The following CNTNAP5 variants were observed in gnomAD, a reference collection of about 807,000 sequenced individuals.
CNTNAP5 encodes contactin associated protein family member 5, also known as contactin-associated protein-like 5.
In CNTNAP5, 72 loss-of-function variants were observed where a neutral mutation model predicts 150.2. That is an observed-to-expected ratio of 0.48 (90% CI 0.40 to 0.58). The LOEUF is 0.58. Ranked by LOEUF, CNTNAP5 falls within the 20% of genes least tolerant of loss-of-function variation. The pLI, the probability that CNTNAP5 is intolerant of heterozygous loss-of-function variation, is 0.00. For missense variants in CNTNAP5, 1,636 were observed against 1,626.2 expected (o/e 1.01, Z -0.10); for synonymous variants, 672 against 619.8 (o/e 1.08, Z -1.25).
chr2:124,886,463 T>TTA (rs1402456670), intron 21 of CNTNAP5, among the ~76,000 whole-genome samples: 1 of 152,018 alleles, frequency 6.6e-6, no homozygotes, highest in Non-Finnish European at 1.5e-5. Context: ...GTTTTGAACA[T>TTA]TATATGATTT....
intron 3 of CNTNAP5, among the ~76,000 whole-genome samples, chr2:124,315,291 G>C (rs923298354): frequency 3.9e-5 from 6 of 152,252 alleles, no homozygotes; most frequent in Admixed American, 3.9e-4. Context: ...TGGTCAGTCA[G>C]TTTTGGATAC....
intron 13 of CNTNAP5, among the ~76,000 whole-genome samples, chr2:124,674,520 T>TTTCTTTCC (rs1415478007): frequency 3.9e-4 from 52 of 132,728 alleles, no homozygotes; most frequent in African/African-American, 1.4e-3. Flanking sequence ...TCTTTCTTTC[T>TTTCTTTCC]TTCTTTCTTT....
intron 21 of CNTNAP5, among the ~76,000 whole-genome samples, chr2:124,886,901 AC>A (rs1678093018): frequency 6.6e-6 from 1 of 151,974 alleles, no homozygotes; most frequent in Non-Finnish European, 1.5e-5. Flanking sequence ...GGCTGCAAAC[AC>A]ATACCCAGCC....
At chr2:124,265,782 T>C (rs1380296512) in intron 3 of CNTNAP5, among the ~76,000 whole-genome samples, 2 of 151,984 alleles carry the variant, frequency 1.3e-5, no homozygotes, top group African/African-American at 4.8e-5. Flanking sequence ...GCAGCTCTGG[T>C]TGGACTACAC....
chr2:124,193,040 C>T (rs1462961442), intron 1 of CNTNAP5, among the ~76,000 whole-genome samples: 1 of 152,100 alleles, frequency 6.6e-6, no homozygotes, highest in African/African-American at 2.4e-5. Context: ...GAAGCCAATC[C>T]AATTTCTGGC....
chr2:124,721,459 G>T (rs1199011155), intron 13 of CNTNAP5, among the ~76,000 whole-genome samples: 1 of 149,616 alleles, frequency 6.7e-6, no homozygotes, highest in Non-Finnish European at 1.5e-5. Context: ...TCCAGCCTGG[G>T]TGACAGAGTG....
intron 10 of CNTNAP5, among the ~76,000 whole-genome samples, chr2:124,533,278 TGAGA>T (rs1695152581): frequency 6.6e-6 from 1 of 150,862 alleles, no homozygotes; most frequent in Non-Finnish European, 1.5e-5. Context: ...TGCAGAAACC[TGAGA>T]GTGAGGGTCT....
rs984353619 is a variant in CNTNAP5 at position 124,914,163 on chromosome 2, A to C, written c.3799A>C (p.Lys1267Gln). ...CATGACCCGGTTCCTCTACCAGCAC[A>C]AGCAGTCACATCGTACGAGCCAGAT... ...GIMTRFLYQH[K>Q]QSHRTSQMKE... The change falls in exon 24 of 24, where the codon AAG becomes CAG. Residue 1267 changes from lysine to glutamine, a missense_variant. Lys to Gln is a moderately conservative substitution (Grantham distance 53). Transcript: ENST00000682447. 3.1e-6 allele frequency: 5 copies of C among 1,612,488 alleles called. No individual in the cohort carries two copies. Among genetic ancestry groups the C allele is most frequent in the Non-Finnish European group, 3.4e-6 (4 of 1,179,036 alleles).
intron 3 of CNTNAP5, among the ~76,000 whole-genome samples, chr2:124,283,904 T>C (rs1021865161): frequency 2.1e-4 from 32 of 152,164 alleles, no homozygotes; most frequent in African/African-American, 7.5e-4. Flanking sequence ...ACATTCCAAA[T>C]TGTGCACCTC....
chr2:124,455,865 C>A (rs1304291242), intron 6 of CNTNAP5, among the ~76,000 whole-genome samples: 1 of 152,132 alleles, frequency 6.6e-6, no homozygotes, highest in Admixed American at 6.5e-5. Flanking sequence ...AATGCAGGAT[C>A]CCTTTATGAT....
chr2:124,134,787 A>G (rs1455651152), intron 1 of CNTNAP5, among the ~76,000 whole-genome samples: 1 of 152,126 alleles, frequency 6.6e-6, no homozygotes, highest in Non-Finnish European at 1.5e-5. Context: ...TGACCTGTCC[A>G]TTCCCCAAGA....
intron 13 of CNTNAP5, among the ~76,000 whole-genome samples, chr2:124,727,350 C>CT (rs1448824455): frequency 1.3e-5 from 2 of 151,716 alleles, no homozygotes; most frequent in South Asian, 2.1e-4. Context: ...TCATTTTTTC[C>CT]TTTTTTGTGT....
chr2:124,283,989 T>A (rs1417283872), intron 3 of CNTNAP5, among the ~76,000 whole-genome samples: 1 of 152,178 alleles, frequency 6.6e-6, no homozygotes, highest in Non-Finnish European at 1.5e-5. Context: ...ATTGAGACCA[T>A]AGCAGGGGCT....
intron 19 of CNTNAP5, among the ~76,000 whole-genome samples, chr2:124,819,151 C>T (rs1682432276): frequency 6.6e-6 from 1 of 152,048 alleles, no homozygotes; most frequent in South Asian, 2.1e-4. Context: ...TCTTCATCAG[C>T]TTGTTATCTG....
At chr2:124,598,404 T>C (rs1696883719) in intron 11 of CNTNAP5, among the ~76,000 whole-genome samples, 1 of 125,590 alleles carries the variant, frequency 8.0e-6, no homozygotes, top group South Asian at 3.2e-4. Flanking sequence ...TACCCTGCCG[T>C]GTGAGGTGTC....
At chr2:124,350,401 A>G (rs1689847920) in intron 3 of CNTNAP5, among the ~76,000 whole-genome samples, 1 of 151,378 alleles carries the variant, frequency 6.6e-6, no homozygotes, top group Admixed American at 6.6e-5. Context: ...ATTTAAATAC[A>G]TATGTATATA....
At position 124,054,864 on chromosome 2, in the gene CNTNAP5, T is replaced by A. The variant is rs186395548; in HGVS notation, c.82+29132T>A. Among the ~76,000 whole-genome samples, 296 of 152,300 alleles carry A rather than the reference T, an allele frequency of 1.9e-3. 1 individual carries two copies. The highest frequency in any genetic ancestry group is 6.7e-3 in the African/African-American group (279 of 41,556). On this transcript the variant is annotated intron_variant, in intron 1 of 23. Coordinates refer to ENST00000682447, the MANE Select transcript of CNTNAP5 (RefSeq NM_001367498.1). ...TAGAACTTTTTTGATTTTCAAAAAT[T>A]ATTCCAGCTAGCAGGGCAAAAAGAG...
In CNTNAP5 at chr2:124,171,541, C is replaced by T. The variant is rs116197925; in HGVS notation, c.83-50164C>T. Among the ~76,000 whole-genome samples the T allele has an allele frequency of 3.6e-3, 554 of 152,268 alleles. 4 individuals are homozygous for T. Among genetic ancestry groups the T allele is most frequent in the African/African-American group, 0.013 (527 of 41,558 alleles). On this transcript the variant is annotated intron_variant, in intron 1 of 23. Transcript: ENST00000682447. ...CACCAGAGTCCTTGGGGTCATCCTG[C>T]GAGCTGAAGTCCTTGGCGGCCACAT...
intron 1 of CNTNAP5, among the ~76,000 whole-genome samples, chr2:124,101,945 C>T (rs994242802): frequency 7.2e-5 from 11 of 152,144 alleles, no homozygotes; most frequent in Non-Finnish European, 1.6e-4. Flanking sequence ...CCGCCTGGTG[C>T]CTGACTTGCC....
Sources: allele counts gnomAD v4.1 joint callset (sites outside exome capture counted in the v4.1 genomes callset), GRCh38; gene constraint gnomAD v4.1.1; transcripts MANE v1.5; gene names NCBI Gene and HGNC (gene_info 2026-07-23, HGNC 2026-07-21).